Variants in CACNG3 observed in about 807,000 individuals in gnomAD.
The protein encoded by CACNG3 is calcium voltage-gated channel auxiliary subunit gamma 3.
Under a neutral mutation model 28.5 loss-of-function variants are expected in CACNG3, and 3 were observed. The observed-to-expected ratio is 0.11, with a 90% CI of 0.05 to 0.27. CACNG3 has a LOEUF of 0.27. CACNG3 is among the 10% of genes least tolerant of loss of function. The probability of loss-of-function intolerance (pLI) is 1.00; values close to 1 mark genes in which losing one functional copy is unlikely to be tolerated. For synonymous variants in CACNG3, 174 were observed against 162.2 expected (o/e 1.07, Z -0.55); for missense variants, 236 against 414.4 (o/e 0.57, Z 3.74).
intron 1 of CACNG3, among the ~76,000 whole-genome samples, chr16:24,298,099 T>C (rs568295583): frequency 9.2e-5 from 14 of 152,228 alleles, no homozygotes; most frequent in Non-Finnish European, 1.6e-4. Context: ...GTTTGAAAGG[T>C]ACAAGTAATA....
intron 1 of CACNG3, among the ~76,000 whole-genome samples, chr16:24,280,169 T>C (rs1405311577): frequency 6.6e-6 from 1 of 152,220 alleles, no homozygotes; most frequent in Non-Finnish European, 1.5e-5. Context: ...AGATAGAGTT[T>C]ATTGGGTCGT....
chr16:24,269,382 TA>T (rs1452833817), intron 1 of CACNG3, among the ~76,000 whole-genome samples: 1 of 152,156 alleles, frequency 6.6e-6, no homozygotes, highest in African/African-American at 2.4e-5. Flanking sequence ...ACCCTATTAA[TA>T]ATATCTCCTA....
At chr16:24,343,931 T>C (rs951827751) in intron 1 of CACNG3, among the ~76,000 whole-genome samples, 1 of 151,610 alleles carries the variant, frequency 6.6e-6, no homozygotes, top group Admixed American at 6.6e-5. Context: ...CTACTAGAAA[T>C]ACAAAAAATT....
In CACNG3 at chr16:24,316,547, C is replaced by T. The variant is rs145010062; in HGVS notation, c.212-30187C>T. ...CACAGAGCCAGCATGGCGTGGGCAC[C>T]ATGTTGCTTACTGGGGCATCAACTG... is the stretch of plus-strand genomic sequence containing the variant. On this transcript the variant is annotated intron_variant, in intron 1 of 3. Coordinates refer to ENST00000005284, the MANE Select transcript of CACNG3 (RefSeq NM_006539.4). Among the ~76,000 whole-genome samples the T allele has an allele frequency of 1.3e-3, 199 of 152,334 alleles. No individual in the cohort carries two copies. The Middle Eastern group carries it at 0.024, about 18-fold the overall frequency.
chr16:24,312,915 GGAAGGAA>G (rs1392058696), intron 1 of CACNG3, among the ~76,000 whole-genome samples: 1 of 78,736 alleles, frequency 1.3e-5, no homozygotes, highest in Non-Finnish European at 2.4e-5. Flanking sequence ...AAGGAAGGAA[GGAAGGAA>G]GAAAGAAAGA....
At chr16:24,277,915 A>G (rs1898774233) in intron 1 of CACNG3, among the ~76,000 whole-genome samples, 1 of 152,100 alleles carries the variant, frequency 6.6e-6, no homozygotes. Context: ...AGATCTTACT[A>G]TGTTGCCCAG....
chr16:24,344,835 A>G (rs944469192), intron 1 of CACNG3, among the ~76,000 whole-genome samples: 1 of 152,236 alleles, frequency 6.6e-6, no homozygotes, highest in Non-Finnish European at 1.5e-5. Context: ...ACATCATGAT[A>G]GTAGCCATGG....
chr16:24,316,659 C>T (rs1019324464), intron 1 of CACNG3, among the ~76,000 whole-genome samples: 1 of 152,210 alleles, frequency 6.6e-6, no homozygotes, highest in Non-Finnish European at 1.5e-5. Context: ...CCAGACTCCA[C>T]TGCACTCCCC....
intron 1 of CACNG3, among the ~76,000 whole-genome samples, chr16:24,343,138 A>C (rs1199639211): frequency 6.6e-6 from 1 of 152,098 alleles, no homozygotes; most frequent in African/African-American, 2.4e-5. Flanking sequence ...GCAGTGGGCT[A>C]TGATTACACC....
chr16:24,262,540 A>C (rs147002420), intron 1 of CACNG3, among the ~76,000 whole-genome samples: 28 of 152,356 alleles, frequency 1.8e-4, no homozygotes, highest in Middle Eastern at 3.4e-3. Context: ...CACCTACCCT[A>C]GCCCTTACTG....
chr16:24,332,917 A>G (rs1315672964), intron 1 of CACNG3, among the ~76,000 whole-genome samples: 2 of 152,158 alleles, frequency 1.3e-5, no homozygotes, highest in African/African-American at 4.8e-5. Flanking sequence ...GCAAAACGTG[A>G]TGTGTTAACC....
At chr16:24,338,940 A>T (rs912220654) in intron 1 of CACNG3, among the ~76,000 whole-genome samples, 2 of 152,122 alleles carry the variant, frequency 1.3e-5, no homozygotes, top group African/African-American at 4.8e-5. Context: ...ATCATCACAC[A>T]TGCTATTCCC....
intron 1 of CACNG3, among the ~76,000 whole-genome samples, chr16:24,311,504 A>C (rs1331642817): frequency 8.6e-6 from 1 of 116,674 alleles, no homozygotes; most frequent in Non-Finnish European, 1.6e-5. Context: ...ACAAGACTAC[A>C]TTTCAAAAAA....
intron 3 of CACNG3, among the ~76,000 whole-genome samples, chr16:24,356,447 A>G (rs1318908832): frequency 1.3e-5 from 2 of 152,236 alleles, no homozygotes; most frequent in Non-Finnish European, 2.9e-5. Context: ...CATGCCTGTA[A>G]TCCCAGCACT....
At chr16:24,297,304 A>G (rs1248326886) in intron 1 of CACNG3, among the ~76,000 whole-genome samples, 1 of 151,856 alleles carries the variant, frequency 6.6e-6, no homozygotes, top group African/African-American at 2.4e-5. Context: ...ATAAATAAAA[A>G]TACTGATGTC....
At chr16:24,331,046 G>C (rs1221117983) in intron 1 of CACNG3, among the ~76,000 whole-genome samples, 5 of 151,984 alleles carry the variant, frequency 3.3e-5, no homozygotes. Context: ...CTGTACCCCT[G>C]CTTTGCTGGT....
At chr16:24,330,283 C>T (rs1295831493) in intron 1 of CACNG3, among the ~76,000 whole-genome samples, 1 of 152,166 alleles carries the variant, frequency 6.6e-6, no homozygotes, top group Non-Finnish European at 1.5e-5. Flanking sequence ...GGCTGTGATG[C>T]TTGCTTGTAG....
At chr16:24,262,009 T>C (rs1432281351) in intron 1 of CACNG3, among the ~76,000 whole-genome samples, 1 of 152,222 alleles carries the variant, frequency 6.6e-6, no homozygotes, top group Non-Finnish European at 1.5e-5. Context: ...GGTGCTTTTG[T>C]ACATGTTAAC....
At chr16:24,350,002 C>T (rs906963925) in intron 2 of CACNG3, among the ~76,000 whole-genome samples, 11 of 152,178 alleles carry the variant, frequency 7.2e-5, no homozygotes, top group Non-Finnish European at 1.0e-4. Context: ...CTTATGTCCC[C>T]ACCCTTAAGA....
Sources: gnomAD v4.1 joint callset for allele counts (sites outside exome capture counted in the v4.1 genomes callset) on GRCh38, gnomAD v4.1.1 for gene constraint, MANE v1.5 for transcripts, NCBI Gene and HGNC (gene_info 2026-07-23, HGNC 2026-07-21) for gene names.